Variants in RMDN1 observed in about 807,000 individuals in gnomAD.
RMDN1 encodes the protein regulator of microtubule dynamics 1, also known as regulator of microtubule dynamics protein 1.
A neutral mutation model predicts 48.9 loss-of-function variants in RMDN1; 48 were observed. That is an observed-to-expected ratio of 0.98 (90% CI 0.78 to 1.25). The LOEUF is 1.25. RMDN1 is among the 50% of genes most tolerant of loss of function. The pLI, the probability that RMDN1 is intolerant of heterozygous loss-of-function variation, is 0.00. For synonymous variants in RMDN1, 148 were observed against 132.6 expected (o/e 1.12, Z -0.80); for missense variants, 418 against 373.4 (o/e 1.12, Z -0.98).
At position 86,474,912 on chromosome 8, in the gene RMDN1, T is replaced by C. The variant is rs1813110375; in HGVS notation, c.802A>G (p.Lys268Glu). The C allele has an allele frequency of 6.2e-7, 1 of 1,611,726 alleles. No individual in the cohort carries two copies. Among genetic ancestry groups the C allele is most frequent in the African/African-American group, 1.3e-5 (1 of 74,790 alleles). Residue 268 changes from lysine to glutamate, a missense_variant, in exon 9 of 10, where the codon AAG becomes GAG. Transcript: ENST00000406452. ...TTGTTGTGTAGTTTCAAGTATGTCT[T>C]TCCTAAAAGAAGTAAGTTTTTGCTG... ...FYSKNLLLLG[K>E]TYLKLHNKKL...
chr8:86,503,371 C>CAAAACAAAAAA (rs1818635358), intron 2 of RMDN1, among the ~76,000 whole-genome samples: 2 of 68,038 alleles, frequency 2.9e-5, no homozygotes, highest in Non-Finnish European at 5.1e-5. Flanking sequence ...CAAAACAAAA[C>CAAAACAAAAAA]AAAAAAAAAA....
upstream of RMDN1, among the ~76,000 whole-genome samples, chr8:86,513,584 T>C (rs1380216174): frequency 6.6e-6 from 1 of 152,196 alleles, no homozygotes; most frequent in Non-Finnish European, 1.5e-5. Context: ...GCCTGCACTT[T>C]GAGGTTAGTT....
chr8:86,479,524 T>TC (rs1228700887), intron 6 of RMDN1, among the ~76,000 whole-genome samples: 1 of 152,226 alleles, frequency 6.6e-6, no homozygotes, highest in East Asian at 1.9e-4. Context: ...AAGTGTTGCA[T>TC]CTTTGACTAG....
At chr8:86,494,800 C>T (rs1200357122) in intron 2 of RMDN1, 1 of 298,786 alleles carries the variant, frequency 3.3e-6, no homozygotes, top group Non-Finnish European at 6.7e-6. Context: ...ATGGTAAAAC[C>T]CCATCTCTTC....
Position 86,476,455 on chromosome 8 carries a change from T to A in RMDN1, c.760+839A>T, listed in dbSNP as rs1044262564. Among the ~76,000 whole-genome samples the A allele has an allele frequency of 2.0e-5, 3 of 152,358 alleles. No individual in the cohort carries two copies. The East Asian group carries it at 5.8e-4, about 29-fold the overall frequency. On this transcript the variant is annotated intron_variant, in intron 8 of 9. Coordinates refer to ENST00000406452, the MANE Select transcript of RMDN1 (RefSeq NM_016033.3). ...TATGTCTTCTCCTGATTAAGTTTTATAGAATATATTTCAATGGTTTTTATG... is the reference window on the plus strand; with the variant it reads ...TATGTCTTCTCCTGATTAAGTTTTAAAGAATATATTTCAATGGTTTTTATG...
At chr8:86,505,295 C>T in intron 2 of RMDN1, 1 of 482,710 alleles carries the variant, frequency 2.1e-6, no homozygotes. Context: ...ACCAAGTGAA[C>T]CTACCTTCAT....
In RMDN1 at chr8:86,482,841, G is replaced by A. The variant is rs761353115; in HGVS notation, c.585+2031C>T. 104 of 1,141,080 alleles carry A rather than the reference G, an allele frequency of 9.1e-5. 1 individual carries two copies. The highest frequency in any genetic ancestry group is 2.1e-4 in the Middle Eastern group (1 of 4,850). 70.7% of individuals were successfully genotyped at this position (1,141,080 alleles called of 1,614,324 possible). On this transcript the variant is annotated intron_variant, in intron 5 of 9. Coordinates refer to ENST00000406452, the MANE Select transcript of RMDN1 (RefSeq NM_016033.3). Reference sequence around the variant, plus strand: ...AGCCATCCTTTGGGGAGGTCACTGCGAGCTCTCTTTGCTGAACATACAGAA... The same window carrying A: ...AGCCATCCTTTGGGGAGGTCACTGCAAGCTCTCTTTGCTGAACATACAGAA...
chr8:86,502,225 T>C (rs934490536), intron 2 of RMDN1, among the ~76,000 whole-genome samples: 3 of 151,430 alleles, frequency 2.0e-5, no homozygotes, highest in Non-Finnish European at 4.4e-5. Flanking sequence ...GTTTAACTAA[T>C]TTTTTTTTAA....
upstream of RMDN1, among the ~76,000 whole-genome samples, chr8:86,512,136 G>A (rs1820076935): frequency 6.6e-6 from 1 of 152,218 alleles, no homozygotes; most frequent in African/African-American, 2.4e-5. Context: ...ATGGCACTAT[G>A]TATTTAGATG....
Position 86,473,052 on chromosome 8 carries a change from T to G in RMDN1, c.*1256A>C. ...AAAAACATCCCAAATCCAAGATGCT[T>G]CTACTAGTCCCAAGTATTTCAGATA... On this transcript the variant is annotated 3_prime_UTR_variant, in exon 10 of 10. Transcript: ENST00000406452. The G allele has an allele frequency of 1.1e-6, 1 of 933,428 alleles. No individual in the cohort carries two copies. The highest frequency in any genetic ancestry group is 1.3e-6 in the Non-Finnish European group (1 of 782,840). 57.8% of individuals were successfully genotyped at this position (933,428 alleles called of 1,614,324 possible).
At chr8:86,471,411 G>T (rs1344899419), downstream of RMDN1, among the ~76,000 whole-genome samples, 2 of 151,894 alleles carry the variant, frequency 1.3e-5, no homozygotes, top group African/African-American at 2.4e-5. Flanking sequence ...TCACTCTAAA[G>T]AGAAATTGAA....
At chr8:86,480,205 A>C in intron 6 of RMDN1, 72 bp downstream of exon 6, 1 of 732,906 alleles carries the variant, frequency 1.4e-6, no homozygotes, top group Non-Finnish European at 2.2e-6. Flanking sequence ...TATATATGCA[A>C]AAGAAGATAT....
chr8:86,500,648 A>T (rs1818053598), intron 2 of RMDN1, among the ~76,000 whole-genome samples: 1 of 152,148 alleles, frequency 6.6e-6, no homozygotes, highest in Non-Finnish European at 1.5e-5. Context: ...CTTTAAAAAA[A>T]CTTAAAATAG....
intron 5 of RMDN1, among the ~76,000 whole-genome samples, chr8:86,480,837 T>C (rs1380557375): frequency 6.6e-6 from 1 of 152,080 alleles, no homozygotes; most frequent in African/African-American, 2.4e-5. Context: ...TAGAAAGTCT[T>C]CTTGTATGCA....
At chr8:86,508,981 G>A (rs111644984), upstream of RMDN1, among the ~76,000 whole-genome samples, 3 of 152,260 alleles carry the variant, frequency 2.0e-5, no homozygotes, top group African/African-American at 7.2e-5. Flanking sequence ...CTCGGAAATA[G>A]ACCCGAGAAT....
chr8:86,470,285 A>T (rs1337294332), downstream of RMDN1: 5 of 1,289,202 alleles, frequency 3.9e-6, no homozygotes, highest in East Asian at 2.8e-4. Context: ...TCCACACAAG[A>T]ACAATCAGGT....
chr8:86,507,125 T>C lies in RMDN1; in HGVS notation c.130-13A>G. The C allele has an allele frequency of 1.3e-6, 2 of 1,504,946 alleles. No homozygotes were observed. The highest frequency in any genetic ancestry group is 4.5e-5 in the East Asian group (2 of 44,438). 93.2% of individuals were successfully genotyped at this position (1,504,946 alleles called of 1,614,324 possible). On this transcript the variant is annotated splice_polypyrimidine_tract_variant and intron_variant, in intron 1 of 9. Coordinates refer to ENST00000406452, the MANE Select transcript of RMDN1 (RefSeq NM_016033.3). The stretch of plus-strand genomic sequence containing the variant: ...GGTTTCCCATTACCTATGGAAACAA[T>C]TATGTTAAGAGTTACAAACTTTGAA...
At position 86,478,843 on chromosome 8, in the gene RMDN1, G is replaced by A; in HGVS notation, c.729+80C>T. On this transcript the variant is annotated intron_variant, in intron 7 of 9. Transcript: ENST00000406452. ...TGCTCAAGTCCCTCACTGAATCAGA[G>A]CTCCACATGTGTGAACACATGGTAG... 4.6e-6 allele frequency: 5 copies of A among 1,090,218 alleles called. No individual in the cohort carries two copies. The South Asian group carries it at 6.4e-5, about 14-fold the overall frequency. 67.5% of individuals were successfully genotyped at this position (1,090,218 alleles called of 1,614,324 possible).
chr8:86,509,973 A>G (rs889487418), upstream of RMDN1, among the ~76,000 whole-genome samples: 2 of 152,200 alleles, frequency 1.3e-5, no homozygotes, highest in Non-Finnish European at 2.9e-5. Context: ...ACTGGATACC[A>G]TGATAACAGT....
Sources: gnomAD v4.1 joint callset for allele counts (sites outside exome capture counted in the v4.1 genomes callset) on GRCh38, gnomAD v4.1.1 for gene constraint, MANE v1.5 for transcripts, NCBI Gene and HGNC (gene_info 2026-07-23, HGNC 2026-07-21) for gene names.